ZNF469: variants seen among roughly 807,000 people sequenced by gnomAD.
The protein encoded by ZNF469 is zinc finger protein 469.
Under a neutral mutation model 1.0 loss-of-function variants are expected in ZNF469, and 1 was observed. The ratio of observed to expected loss-of-function variants is 1.00; its 90% CI spans 0.35 to 4.73. The LOEUF (loss-of-function observed/expected upper bound fraction) is 4.73, where lower values mean the gene tolerates loss of function less well. Among genes scored for constraint, ZNF469 ranks in the 30% most tolerant of loss-of-function variants. The pLI is 0.16. For synonymous variants in ZNF469, 2,703 were observed against 2,363.4 expected (o/e 1.14, Z -4.17); for missense variants, 6,100 against 5,356.3 (o/e 1.14, Z -4.33).
At chr16:88,183,440 C>T in the ZNF469 span, among the ~76,000 whole-genome samples, 1 of 152,250 alleles carries the variant, frequency 6.6e-6, no homozygotes, top group African/African-American at 2.4e-5. Context: ...GTCCCACAAC[C>T]TACAGCTCAG....
the ZNF469 span, among the ~76,000 whole-genome samples, chr16:88,249,322 G>A: frequency 1.3e-5 from 2 of 151,498 alleles, no homozygotes; most frequent in South Asian, 4.2e-4. Context: ...CGAACTCCTG[G>A]GCTCAAGCCA....
At chr16:88,357,631 G>A in the ZNF469 span, among the ~76,000 whole-genome samples, 2 of 152,316 alleles carry the variant, frequency 1.3e-5, no homozygotes, top group East Asian at 3.9e-4. Context: ...GGAAGAGGGG[G>A]GGCCCGGGCT....
At chr16:88,386,866 C>G (rs1397329814) in intron 1 of ZNF469, among the ~76,000 whole-genome samples, 1 of 149,790 alleles carries the variant, frequency 6.7e-6, no homozygotes, top group Non-Finnish European at 1.5e-5. Flanking sequence ...TGAGGTGGCT[C>G]AGGGCCTGTT....
the ZNF469 span, among the ~76,000 whole-genome samples, chr16:88,139,687 T>C: frequency 7.2e-5 from 11 of 152,180 alleles, no homozygotes; most frequent in Non-Finnish European, 8.8e-5. Flanking sequence ...GAAAAGTGGA[T>C]CTGAAACCTT....
rs1460158463 is a variant in ZNF469 at position 88,383,533 on chromosome 16, G to A, written c.-192+279G>A. 4.0e-5 allele frequency among the ~76,000 whole-genome samples: 6 copies of A among 149,928 alleles called. No homozygotes were observed. The East Asian group carries it at 1.2e-3, about 29-fold the overall frequency. On this transcript the variant is annotated intron_variant, in intron 1 of 2. Transcript: ENST00000565624. The stretch of plus-strand genomic sequence containing the variant: ...CCCGGAGCGGAGCGTTGGCAGCGCG[G>A]GGTCCGGCTCCGTGGGCAGTTTGGG...
At chr16:88,383,570 C>G (rs2092530744) in intron 1 of ZNF469, among the ~76,000 whole-genome samples, 1 of 150,276 alleles carries the variant, frequency 6.7e-6, no homozygotes, top group African/African-American at 2.4e-5. Flanking sequence ...AGCGCCCGGG[C>G]AACGTACTGG....
chr16:88,296,021 C>T, the ZNF469 span, among the ~76,000 whole-genome samples: 5 of 152,228 alleles, frequency 3.3e-5, no homozygotes, highest in Admixed American at 6.5e-5. Context: ...AAGCGTCCCC[C>T]CTCGGGCTCT....
At chr16:88,195,526 G>A in the ZNF469 span, among the ~76,000 whole-genome samples, 1 of 152,206 alleles carries the variant, frequency 6.6e-6, no homozygotes, top group African/African-American at 2.4e-5. Flanking sequence ...GCTGTCGGCT[G>A]ATCCTGGCCA....
chr16:88,148,923 G>A, the ZNF469 span, among the ~76,000 whole-genome samples: 1 of 152,180 alleles, frequency 6.6e-6, no homozygotes, highest in African/African-American at 2.4e-5. Context: ...ACAGTGCCTG[G>A]CACGTGGCAG....
chr16:88,427,175 G>T (rs1246748993), intron 2 of ZNF469, among the ~76,000 whole-genome samples, 170 bp from the exon 3 acceptor site: 8 of 152,254 alleles, frequency 5.3e-5, no homozygotes, highest in Non-Finnish European at 1.0e-4. Context: ...CTGCTTCTAG[G>T]TAGGGGCTGA....
chr16:88,212,485 T>C, the ZNF469 span, among the ~76,000 whole-genome samples: 1 of 152,244 alleles, frequency 6.6e-6, no homozygotes, highest in African/African-American at 2.4e-5. Context: ...ACATCTGTTC[T>C]CCTTTGGGTA....
At chr16:88,416,346 C>T (rs548624132) in intron 1 of ZNF469, among the ~76,000 whole-genome samples, 90 of 152,208 alleles carry the variant, frequency 5.9e-4, no homozygotes, top group Non-Finnish European at 1.0e-3. Flanking sequence ...AGTTCACTTA[C>T]GCTATTGCTG....
chr16:88,409,737 G>A (rs890598047), intron 1 of ZNF469, among the ~76,000 whole-genome samples: 5 of 152,170 alleles, frequency 3.3e-5, no homozygotes, highest in Admixed American at 1.3e-4. Context: ...AACAAAGCTC[G>A]GTAAAGCAGG....
At chr16:88,273,335 C>G in the ZNF469 span, among the ~76,000 whole-genome samples, 1 of 151,730 alleles carries the variant, frequency 6.6e-6, no homozygotes, top group Non-Finnish European at 1.5e-5. Flanking sequence ...TCAATAATAT[C>G]CATCCAACAA....
the ZNF469 span, among the ~76,000 whole-genome samples, chr16:88,198,357 C>T: frequency 6.6e-6 from 1 of 152,192 alleles, no homozygotes; most frequent in Non-Finnish European, 1.5e-5. Context: ...CCGGCAGACC[C>T]CTCATTACAT....
the ZNF469 span, among the ~76,000 whole-genome samples, chr16:88,350,641 A>G: frequency 6.6e-6 from 1 of 152,188 alleles, no homozygotes; most frequent in Non-Finnish European, 1.5e-5. Context: ...TGAAAGGGGG[A>G]CGTTCAGGAC....
chr16:88,429,619 T>G lies in ZNF469; in HGVS notation c.2149T>G (p.Phe717Val). The G allele has an allele frequency of 1.9e-6, 3 of 1,546,506 alleles. No homozygotes were observed. Among genetic ancestry groups the G allele is most frequent in the Non-Finnish European group, 2.6e-6 (3 of 1,144,418 alleles). The change falls in exon 3 of 3, where the codon TTC (phenylalanine) becomes GTC (valine). Residue 717 changes from phenylalanine to valine, a missense_variant. Transcript: ENST00000565624. ...RAPPPYPTHH[F>V]SLSSASLDQL... Reference sequence around the variant, plus strand: ...GCCGCCTCCGTACCCCACACACCACTTCTCCCTCAGCAGCGCCAGCCTGGA... The same window carrying G: ...GCCGCCTCCGTACCCCACACACCACGTCTCCCTCAGCAGCGCCAGCCTGGA...
Position 88,432,510 on chromosome 16 carries a change from T to C in ZNF469, c.5040T>C (p.Val1680=), listed in dbSNP as rs1906271549. The C allele has an allele frequency of 6.5e-7, 1 of 1,550,242 alleles. No homozygotes were observed. The highest frequency in any genetic ancestry group is 1.4e-5 in the African/African-American group (1 of 73,040). Residue 1680 remains valine (V), a synonymous_variant, in exon 3 of 3, where the codon GTT becomes GTC. Transcript: ENST00000565624. ...TCCCCTGTGCCCAGGAAGACCTGGTTTCTGGGGCTCCTTTCAGCCCCAGGG... is the reference window on the plus strand; with the variant it reads ...TCCCCTGTGCCCAGGAAGACCTGGTCTCTGGGGCTCCTTTCAGCCCCAGGG... The part of the protein sequence containing the change: ...ALLPCAQEDL[V]SGAPFSPRGA...
chr16:88,383,854 G>A (rs1237611406), intron 1 of ZNF469, among the ~76,000 whole-genome samples: 1 of 152,144 alleles, frequency 6.6e-6, no homozygotes, highest in Non-Finnish European at 1.5e-5. Flanking sequence ...CCAGCCCCGC[G>A]CACCCCCAGA....
Sources: gnomAD v4.1 joint callset for allele counts (sites outside exome capture counted in the v4.1 genomes callset) on GRCh38, gnomAD v4.1.1 for gene constraint, MANE v1.5 for transcripts, NCBI Gene and HGNC (gene_info 2026-07-23, HGNC 2026-07-21) for gene names.